ESYT3: variants seen among roughly 807,000 people sequenced by gnomAD.
The protein encoded by ESYT3 is extended synaptotagmin-3.
A neutral mutation model predicts 111.5 loss-of-function variants in ESYT3; 101 were observed. The observed-to-expected ratio is 0.91, with a 90% CI of 0.77 to 1.07. The LOEUF is 1.07. Ranked by LOEUF, ESYT3 falls within the 50% of genes least tolerant of loss-of-function variation. The pLI is 0.00. For missense variants in ESYT3, 1,097 were observed against 1,109.4 expected (o/e 0.99, Z 0.16); for synonymous variants, 416 against 446.8 (o/e 0.93, Z 0.87).
Position 138,473,638 on chromosome 3 carries a change from AAGGGATTCTAGGGCC to A in ESYT3, c.2336+10_2336+24del. On this transcript the variant is annotated splice_donor_5th_base_variant and intron_variant, in intron 19 of 22. Transcript: ENST00000389567. Reference sequence around the variant, plus strand: ...GCGTGCTAATCAATGGCTGCAGGTAAAGGGATTCTAGGGCCAGGGAGGTCCTTTGGGAGCATCAGG... The same window carrying A: ...GCGTGCTAATCAATGGCTGCAGGTAAAGGGAGGTCCTTTGGGAGCATCAGG... 6.2e-7 allele frequency: 1 copy of A among 1,612,674 alleles called. No individual in the cohort carries two copies.
chr3:138,464,201 C>T (rs757316752), intron 8 of ESYT3, 144 bp from the exon 9 acceptor site: 86 of 892,036 alleles, frequency 9.6e-5, no homozygotes, highest in Non-Finnish European at 1.3e-4. Context: ...AGGTCACTGC[C>T]GTATCTGGCT....
chr3:138,460,474 TCTGC>T, intron 6 of ESYT3, 133 bp from the exon 7 acceptor site: 2 of 918,202 alleles, frequency 2.2e-6, no homozygotes, highest in Non-Finnish European at 3.5e-6. Context: ...CAGAGGGTGC[TCTGC>T]CTGCTTTCCT....
intron 4 of ESYT3, among the ~76,000 whole-genome samples, 192 bp from the exon 5 acceptor site, chr3:138,458,989 TGGATCA>T (rs1043564201): frequency 2.0e-4 from 31 of 152,208 alleles, no homozygotes; most frequent in African/African-American, 7.2e-4. Context: ...GGTCTGGGCT[TGGATCA>T]GGGTCTGGGT....
At chr3:138,465,962 A>G (rs2032907307) in intron 10 of ESYT3, among the ~76,000 whole-genome samples, 1 of 152,258 alleles carries the variant, frequency 6.6e-6, no homozygotes, top group Non-Finnish European at 1.5e-5. Context: ...TAGAAGAAAA[A>G]GAACACCCCC....
Position 138,434,679 on chromosome 3 carries a change from A to T in ESYT3, c.-120A>T. 1.1e-6 allele frequency: 1 copy of T among 902,778 alleles called. No individual in the cohort carries two copies. The highest frequency in any genetic ancestry group is 1.6e-6 in the Non-Finnish European group (1 of 626,472). 55.9% of individuals were successfully genotyped at this position (902,778 alleles called of 1,614,324 possible). A position where few individuals can be genotyped will look rare whatever the true frequency, so the allele number is the denominator to read the frequency against. On this transcript the variant is annotated 5_prime_UTR_variant, in exon 1 of 23. Coordinates refer to ENST00000389567, the MANE Select transcript of ESYT3 (RefSeq NM_031913.5). Reference sequence around the variant, plus strand: ...AGCTCGGCGCGCCGAGAGTCCCAGCAGGGCAAGGGGGCGCGGCGTCCTGGT... The same window carrying T: ...AGCTCGGCGCGCCGAGAGTCCCAGCTGGGCAAGGGGGCGCGGCGTCCTGGT...
chr3:138,458,243 C>A (rs2032407243), intron 4 of ESYT3, among the ~76,000 whole-genome samples: 1 of 152,212 alleles, frequency 6.6e-6, no homozygotes, highest in Admixed American at 6.5e-5. Context: ...AGCCTAGAGG[C>A]TGGCACTGAC....
chr3:138,473,647 T>C lies in ESYT3; in HGVS notation c.2336+13T>C. On this transcript the variant is annotated intron_variant, in intron 19 of 22. Transcript: ENST00000389567. ...TCAATGGCTGCAGGTAAAGGGATTCTAGGGCCAGGGAGGTCCTTTGGGAGC... is the reference window on the plus strand; with the variant it reads ...TCAATGGCTGCAGGTAAAGGGATTCCAGGGCCAGGGAGGTCCTTTGGGAGC... The C allele has an allele frequency of 6.2e-7, 1 of 1,611,610 alleles. No individual in the cohort carries two copies. Among genetic ancestry groups the C allele is most frequent in the Non-Finnish European group, 8.5e-7 (1 of 1,178,160 alleles).
At chr3:138,480,794 T>C (rs2033674849), downstream of ESYT3, 1 of 152,178 alleles carries the variant, frequency 6.6e-6, no homozygotes. Flanking sequence ...GCAGATTCAA[T>C]GTACATGGAA....
Position 138,473,528 on chromosome 3 carries a change from C to G in ESYT3, c.2238-8C>G, listed in dbSNP as rs552611656. ...TGGCGAGAGAAGTGATGGGCTCTTT[C>G]TTTACAGAGGTGGGGACCTCAGGCG... is the stretch of plus-strand genomic sequence containing the variant. On this transcript the variant is annotated splice_polypyrimidine_tract_variant and splice_region_variant and intron_variant, in intron 18 of 22. Coordinates refer to ENST00000389567, the MANE Select transcript of ESYT3 (RefSeq NM_031913.5). 6.2e-7 allele frequency: 1 copy of G among 1,612,022 alleles called. No homozygotes were observed.
downstream of ESYT3, chr3:138,480,452 G>A (rs898856714): frequency 1.3e-5 from 2 of 152,156 alleles, no homozygotes; most frequent in Non-Finnish European, 2.9e-5. Flanking sequence ...ACTTCTATGT[G>A]CAGATGATAT....
intron 1 of ESYT3, among the ~76,000 whole-genome samples, chr3:138,446,689 C>T (rs1054430274): frequency 6.6e-6 from 1 of 151,738 alleles, no homozygotes; most frequent in African/African-American, 2.4e-5. Flanking sequence ...CAGGAGTTCA[C>T]GACCAGCATG....
chr3:138,454,322 G>A lies in ESYT3; in HGVS notation c.370-872G>A, dbSNP rs1252703261. On this transcript the variant is annotated intron_variant, in intron 2 of 22. Coordinates refer to ENST00000389567, the MANE Select transcript of ESYT3 (RefSeq NM_031913.5). ...AGAGGCCAAGGCGGACAGATCACTT[G>A]AGGCCAGGAGTTCAAGACCAGTCTG... 2.0e-5 allele frequency among the ~76,000 whole-genome samples: 3 copies of A among 152,072 alleles called. No individual in the cohort carries two copies. The East Asian group carries it at 5.8e-4, about 29-fold the overall frequency.
In ESYT3 at chr3:138,472,670, A is replaced by C. The variant is rs774303241; in HGVS notation, c.2048A>C (p.Lys683Thr). 1.2e-6 allele frequency: 2 copies of C among 1,614,232 alleles called. No homozygotes were observed. The highest frequency in any genetic ancestry group is 2.2e-5 in the South Asian group (2 of 91,084). The part of the protein sequence containing the change: ...KRFCEPIGEK[K>T]SPATIFLTVP... ...TTCTGTGAGCCCATCGGGGAGAAGAAGAGTCCAGCCACCATCTTCCTGACT... is the reference window on the plus strand; with the variant it reads ...TTCTGTGAGCCCATCGGGGAGAAGACGAGTCCAGCCACCATCTTCCTGACT... The change falls in exon 18 of 23, where the codon AAG becomes ACG. Residue 683 changes from lysine to threonine, a missense_variant. Transcript: ENST00000389567.
intron 3 of ESYT3, among the ~76,000 whole-genome samples, chr3:138,455,719 T>C (rs187049735): frequency 3.3e-5 from 5 of 152,336 alleles, no homozygotes; most frequent in African/African-American, 1.2e-4. Context: ...GGATAGTCAG[T>C]GCCGCCTAGC....
At chr3:138,455,017 G>A (rs745342613) in intron 2 of ESYT3, among the ~76,000 whole-genome samples, 177 bp from the exon 3 acceptor site, 1 of 152,120 alleles carries the variant, frequency 6.6e-6, no homozygotes, top group Non-Finnish European at 1.5e-5. Context: ...GATGTTTGAC[G>A]GACAGACAGA....
intron 1 of ESYT3, among the ~76,000 whole-genome samples, 185 bp from the exon 2 acceptor site, chr3:138,451,863 C>T (rs1227201825): frequency 3.3e-5 from 5 of 152,276 alleles, no homozygotes; most frequent in Non-Finnish European, 7.3e-5. Context: ...GGACCAGTTC[C>T]GAGTTGCCAG....
At chr3:138,457,127 C>T (rs2032325022) in intron 3 of ESYT3, among the ~76,000 whole-genome samples, 1 of 152,190 alleles carries the variant, frequency 6.6e-6, no homozygotes, top group Non-Finnish European at 1.5e-5. Context: ...CACCCATGAA[C>T]ATTTAAAAAA....
chr3:138,475,746 G>A (rs2108632770), intron 20 of ESYT3, among the ~76,000 whole-genome samples: 1 of 152,158 alleles, frequency 6.6e-6, no homozygotes, highest in East Asian at 1.9e-4. Context: ...TGACCAACAT[G>A]GTGAAACCCT....
chr3:138,467,018 G>A (rs4678420), intron 10 of ESYT3, among the ~76,000 whole-genome samples: 111,883 of 152,032 alleles, frequency 0.74, 41,558 homozygotes, highest in East Asian at 0.95. Flanking sequence ...CACCTTTAAC[G>A]TATGGGGATC....
Sources: gnomAD v4.1 joint callset for allele counts (sites outside exome capture counted in the v4.1 genomes callset) on GRCh38, gnomAD v4.1.1 for gene constraint, MANE v1.5 for transcripts, NCBI Gene and HGNC (gene_info 2026-07-23, HGNC 2026-07-21) for gene names.